The following UNC5C variants were observed in gnomAD, a reference collection of about 807,000 sequenced individuals.
UNC5C encodes netrin receptor UNC5C.
A neutral mutation model predicts 99.8 loss-of-function variants in UNC5C; 47 were observed. That is an observed-to-expected ratio of 0.47 (90% confidence interval 0.37 to 0.60). The LOEUF (loss-of-function observed/expected upper bound fraction) is 0.60. UNC5C is among the 20% of genes least tolerant of loss of function. UNC5C has a pLI of 0.00. For synonymous variants in UNC5C, 487 were observed against 452.2 expected (o/e 1.08, Z -0.98); for missense variants, 1,062 against 1,165.9 (o/e 0.91, Z 1.30).
intron 10 of UNC5C, among the ~76,000 whole-genome samples, chr4:95,215,049 C>T (rs115337927): frequency 0.031 from 4,727 of 152,030 alleles, 99 homozygotes; most frequent in South Asian, 0.076. Flanking sequence ...GTACACCACC[C>T]GAGGAAAAAA....
chr4:95,414,519 A>T (rs964482529), intron 1 of UNC5C, among the ~76,000 whole-genome samples: 2 of 152,230 alleles, frequency 1.3e-5, no homozygotes, highest in Non-Finnish European at 2.9e-5. Flanking sequence ...AAAGCAGAGT[A>T]TAAAGAAAAT....
chr4:95,263,059 C>A (rs1740305970), intron 4 of UNC5C, among the ~76,000 whole-genome samples: 1 of 152,156 alleles, frequency 6.6e-6, no homozygotes, highest in Admixed American at 6.5e-5. Context: ...AGTTGATCCA[C>A]CTGCCTCGGC....
chr4:95,316,156 A>G (rs1742468865), intron 2 of UNC5C, among the ~76,000 whole-genome samples: 1 of 152,238 alleles, frequency 6.6e-6, no homozygotes. Context: ...GGAAGATAGC[A>G]TGACCTACTA....
intron 7 of UNC5C, among the ~76,000 whole-genome samples, chr4:95,234,854 C>T (rs1233047980): frequency 6.6e-6 from 1 of 152,062 alleles, no homozygotes. Flanking sequence ...TGTAATAGAG[C>T]TTCTGAAATT....
chr4:95,498,406 C>T (rs1049390892), intron 1 of UNC5C, among the ~76,000 whole-genome samples: 1 of 151,904 alleles, frequency 6.6e-6, no homozygotes, highest in Non-Finnish European at 1.5e-5. Context: ...AGTAGCTGTA[C>T]TTAAAATTAA....
chr4:95,221,909 C>T (rs535120810), intron 7 of UNC5C, among the ~76,000 whole-genome samples: 21 of 152,210 alleles, frequency 1.4e-4, no homozygotes, highest in Admixed American at 4.6e-4. Context: ...TTTTTCAACC[C>T]TTTCTGTTTT....
At chr4:95,220,657 T>C (rs1360088454) in intron 7 of UNC5C, among the ~76,000 whole-genome samples, 1 of 152,214 alleles carries the variant, frequency 6.6e-6, no homozygotes, top group Admixed American at 6.5e-5. Context: ...TGACTTTCCA[T>C]AGCACTCTTC....
intron 1 of UNC5C, among the ~76,000 whole-genome samples, chr4:95,382,537 A>C (rs562567698): frequency 5.9e-5 from 9 of 152,142 alleles, no homozygotes; most frequent in Admixed American, 1.3e-4. Context: ...TTGAGAATAG[A>C]CAATAGCTTA....
chr4:95,459,277 T>C (rs778228154), intron 1 of UNC5C, among the ~76,000 whole-genome samples: 3 of 152,182 alleles, frequency 2.0e-5, no homozygotes, highest in Admixed American at 6.5e-5. Context: ...TATTTTCATA[T>C]GGCATTGTGA....
chr4:95,450,643 G>C (rs568008276), intron 1 of UNC5C, among the ~76,000 whole-genome samples: 10 of 152,136 alleles, frequency 6.6e-5, no homozygotes, highest in Admixed American at 6.5e-4. Flanking sequence ...TCTATTATTA[G>C]TAATGCTGCT....
At chr4:95,509,039 T>C (rs1340540918) in intron 1 of UNC5C, among the ~76,000 whole-genome samples, 3 of 151,900 alleles carry the variant, frequency 2.0e-5, no homozygotes, top group African/African-American at 7.2e-5. Flanking sequence ...TGAGTTTAAG[T>C]AAATCTGGGA....
intron 4 of UNC5C, among the ~76,000 whole-genome samples, chr4:95,260,070 T>C (rs1386226296): frequency 1.3e-5 from 2 of 152,168 alleles, no homozygotes; most frequent in Non-Finnish European, 2.9e-5. Context: ...AGTACACCTA[T>C]GTTGGTCCTA....
rs190673039 is a variant in UNC5C, at chr4:95,264,415, T to G, written c.595-13748A>C. On this transcript the variant is annotated intron_variant, in intron 4 of 15. Transcript: ENST00000453304. ...TGGGTCACCAACAAAGTACTCAATA[T>G]TTTTGTAATTTTCCTTAATCTGAGC... is the stretch of plus-strand genomic sequence containing the variant. Among the ~76,000 whole-genome samples, 19 of 152,292 alleles carry G rather than the reference T, an allele frequency of 1.2e-4. No individual in the cohort carries two copies. The East Asian group carries it at 3.7e-3, about 29-fold the overall frequency.
At chr4:95,324,493 T>C (rs1426531956) in intron 2 of UNC5C, among the ~76,000 whole-genome samples, 1 of 152,180 alleles carries the variant, frequency 6.6e-6, no homozygotes, top group Non-Finnish European at 1.5e-5. Flanking sequence ...GAATCATCCC[T>C]AAATCATCCC....
intron 1 of UNC5C, among the ~76,000 whole-genome samples, chr4:95,482,501 A>T (rs796558906): frequency 6.7e-6 from 1 of 148,528 alleles, no homozygotes; most frequent in Admixed American, 6.7e-5. Flanking sequence ...CAGCCATCCC[A>T]TTACTGGGTA....
intron 1 of UNC5C, among the ~76,000 whole-genome samples, chr4:95,422,573 G>A (rs943749456): frequency 1.3e-5 from 2 of 151,800 alleles, no homozygotes; most frequent in African/African-American, 4.8e-5. Context: ...TCCAAAGAAT[G>A]TTTTCTTGCA....
chr4:95,197,087 TATATAATATTTATATATTATATATG>T (rs1366577821), intron 12 of UNC5C, among the ~76,000 whole-genome samples: 6 of 123,532 alleles, frequency 4.9e-5, no homozygotes, highest in African/African-American at 2.0e-4. Flanking sequence ...ATTTATGTAA[TATATAATATTTATATATTATATATG>T]TAATTATATA....
chr4:95,467,872 C>T lies in UNC5C; in HGVS notation c.124+80862G>A, dbSNP rs1417143684. On this transcript the variant is annotated intron_variant, in intron 1 of 15. Transcript: ENST00000453304. Reference sequence around the variant, plus strand: ...TACTGTATTTTTACAATAAGGAAAGCTAGAGAAAAGAAAATATTATTAAGA... The same window carrying T: ...TACTGTATTTTTACAATAAGGAAAGTTAGAGAAAAGAAAATATTATTAAGA... Among the ~76,000 whole-genome samples the T allele has an allele frequency of 2.6e-5, 4 of 151,896 alleles. No homozygotes were observed. The East Asian group carries it at 7.7e-4, about 29-fold the overall frequency.
chr4:95,408,766 G>T lies in UNC5C; in HGVS notation c.125-73135C>A, dbSNP rs569175721. Among the ~76,000 whole-genome samples, 6 of 152,286 alleles carry T rather than the reference G, an allele frequency of 3.9e-5. No individual in the cohort carries two copies. In the East Asian group the frequency reaches 1.2e-3, roughly 29 times the overall value. On this transcript the variant is annotated intron_variant, in intron 1 of 15. Coordinates refer to ENST00000453304, the MANE Select transcript of UNC5C (RefSeq NM_003728.4). ...GAGAGCAGAAAATATATACAAGAGA[G>T]ATTTTTAAAGACAGAAAGACATTTC...
Sources: gnomAD v4.1 joint callset for allele counts (sites outside exome capture counted in the v4.1 genomes callset) on GRCh38, gnomAD v4.1.1 for gene constraint, MANE v1.5 for transcripts, NCBI Gene and HGNC (gene_info 2026-07-23, HGNC 2026-07-21) for gene names.